TMCC1: variants seen among roughly 807,000 people sequenced by gnomAD.
TMCC1 encodes transmembrane and coiled-coil domain family 1.
Under a neutral mutation model 52.4 loss-of-function variants are expected in TMCC1, and 15 were observed. The ratio of observed to expected loss-of-function variants is 0.29; its 90% CI spans 0.19 to 0.44. The LOEUF (loss-of-function observed/expected upper bound fraction) is 0.44. Ranked by LOEUF, TMCC1 falls within the 20% of genes least tolerant of loss-of-function variation. The probability of loss-of-function intolerance (pLI) is 1.00; values close to 1 mark genes in which losing one functional copy is unlikely to be tolerated. For missense variants in TMCC1, 503 were observed against 806.0 expected (o/e 0.62, Z 4.55); for synonymous variants, 279 against 301.9 (o/e 0.92, Z 0.79).
intron 4 of TMCC1, chr3:129,688,441 A>G: frequency 3.0e-6 from 3 of 985,556 alleles, no homozygotes; most frequent in Non-Finnish European, 3.6e-6. Flanking sequence ...AAAGAGCCGC[A>G]GTGAAGCTTC....
intron 2 of TMCC1, among the ~76,000 whole-genome samples, chr3:129,852,495 G>C (rs2059961783): frequency 6.8e-6 from 1 of 147,998 alleles, no homozygotes; most frequent in Non-Finnish European, 1.5e-5. Context: ...AGAAAATTCT[G>C]CAGTATACAA....
At chr3:129,747,194 C>T (rs1476896088) in intron 4 of TMCC1, among the ~76,000 whole-genome samples, 1 of 152,044 alleles carries the variant, frequency 6.6e-6, no homozygotes, top group Non-Finnish European at 1.5e-5. Flanking sequence ...CCCTCAGTTA[C>T]ATATATATAA....
intron 4 of TMCC1, among the ~76,000 whole-genome samples, chr3:129,712,102 G>A (rs566168639): frequency 9.9e-5 from 15 of 151,262 alleles, no homozygotes; most frequent in Middle Eastern, 3.4e-3. Context: ...ACTTGAACCC[G>A]GGAGGTGAAG....
chr3:129,655,581 C>T (rs146150028), intron 5 of TMCC1, among the ~76,000 whole-genome samples: 2 of 152,276 alleles, frequency 1.3e-5, no homozygotes, highest in African/African-American at 4.8e-5. Flanking sequence ...AATGCCAGAG[C>T]CAGAGGGGTC....
intron 4 of TMCC1, among the ~76,000 whole-genome samples, chr3:129,823,429 C>T (rs1335640586): frequency 6.6e-6 from 1 of 152,118 alleles, no homozygotes; most frequent in Non-Finnish European, 1.5e-5. Context: ...CCTATTAACG[C>T]ATAATGTATA....
intron 4 of TMCC1, chr3:129,688,101 T>A: frequency 1.0e-6 from 1 of 972,854 alleles, no homozygotes; most frequent in Non-Finnish European, 1.2e-6. Context: ...TTTTAGTTAT[T>A]GCTAAGAAGC....
chr3:129,736,045 T>C (rs1332528379), intron 4 of TMCC1, among the ~76,000 whole-genome samples: 11 of 152,228 alleles, frequency 7.2e-5, no homozygotes, highest in Admixed American at 2.6e-4. Context: ...AAGGGGAGTT[T>C]TACTCATTCT....
rs2053371732 is a variant in TMCC1 at position 129,759,823 on chromosome 3, G to A, written c.576+67980C>T. Among the ~76,000 whole-genome samples the A allele has an allele frequency of 2.2e-5, 3 of 137,076 alleles. No homozygotes were observed. The South Asian group carries it at 7.3e-4, about 33-fold the overall frequency. 89.9% of individuals were successfully genotyped at this position (137,076 alleles called of 152,430 possible). The stretch of plus-strand genomic sequence containing the variant: ...TGCAAGCTCCGCCTCCCGGGTTCAC[G>A]CCATTCTCCTGCCTCAGCCTCCTGA... On this transcript the variant is annotated intron_variant, in intron 4 of 6. Coordinates refer to ENST00000393238, the MANE Select transcript of TMCC1 (RefSeq NM_001017395.5).
chr3:129,663,030 G>A (rs758359654), intron 5 of TMCC1, among the ~76,000 whole-genome samples: 5 of 152,248 alleles, frequency 3.3e-5, no homozygotes, highest in South Asian at 2.1e-4. Flanking sequence ...AGATTTTGTC[G>A]TAGGTAAATA....
At chr3:129,817,216 T>A (rs927156041) in intron 4 of TMCC1, among the ~76,000 whole-genome samples, 3 of 152,174 alleles carry the variant, frequency 2.0e-5, no homozygotes, top group Non-Finnish European at 4.4e-5. Context: ...GAATCAGGTT[T>A]CTGGGGCACA....
chr3:129,825,200 C>G (rs141398814), intron 4 of TMCC1, among the ~76,000 whole-genome samples: 3 of 152,212 alleles, frequency 2.0e-5, no homozygotes, highest in Admixed American at 2.0e-4. Context: ...GAACAGTACA[C>G]CTGCATTACT....
chr3:129,856,000 T>C (rs1316212999), intron 2 of TMCC1, among the ~76,000 whole-genome samples: 1 of 147,014 alleles, frequency 6.8e-6, no homozygotes, highest in Non-Finnish European at 1.5e-5. Context: ...GCAAGAAAGT[T>C]TAGTAATACT....
intron 4 of TMCC1, among the ~76,000 whole-genome samples, chr3:129,723,401 AT>A (rs62776661): frequency 0.44 from 55,118 of 126,500 alleles, 11,575 homozygotes; most frequent in Non-Finnish European, 0.49. Flanking sequence ...TCCATCAAGA[AT>A]TTTTTTTTTT....
At chr3:129,772,709 C>T (rs1458709552) in intron 4 of TMCC1, among the ~76,000 whole-genome samples, 15 of 105,470 alleles carry the variant, frequency 1.4e-4, no homozygotes, top group African/African-American at 4.2e-4. Context: ...GGTGACAGAG[C>T]AAGACTCCGC....
At chr3:129,736,490 G>T (rs1191707383) in intron 4 of TMCC1, among the ~76,000 whole-genome samples, 1 of 151,626 alleles carries the variant, frequency 6.6e-6, no homozygotes, top group Non-Finnish European at 1.5e-5. Context: ...AAAAATGAAG[G>T]CTGGACTAGT....
At chr3:129,661,469 G>T (rs753167011) in intron 5 of TMCC1, among the ~76,000 whole-genome samples, 1 of 152,078 alleles carries the variant, frequency 6.6e-6, no homozygotes, top group Non-Finnish European at 1.5e-5. Flanking sequence ...AGTCCCAGAA[G>T]GATGCAGTGA....
chr3:129,790,859 T>C (rs1435339541), intron 4 of TMCC1, among the ~76,000 whole-genome samples: 1 of 152,176 alleles, frequency 6.6e-6, no homozygotes, highest in Non-Finnish European at 1.5e-5. Context: ...AATGATCTTA[T>C]TCAAATCAAT....
In TMCC1 at chr3:129,688,817, A is replaced by G. The variant is rs1193170652; in HGVS notation, c.577-17553T>C. On this transcript the variant is annotated intron_variant, in intron 4 of 6. Coordinates refer to ENST00000393238, the MANE Select transcript of TMCC1 (RefSeq NM_001017395.5). Reference sequence around the variant, plus strand: ...GTGAGCATCTTTTATAAAAGACAAAAGCACCACACTGGTTGGATTTAAAGC... The same window carrying G: ...GTGAGCATCTTTTATAAAAGACAAAGGCACCACACTGGTTGGATTTAAAGC... The G allele has an allele frequency of 3.4e-6, 3 of 887,700 alleles. No individual in the cohort carries two copies. In the East Asian group the frequency reaches 3.6e-4, roughly 106 times the overall value. 55.0% of individuals were successfully genotyped at this position (887,700 alleles called of 1,614,324 possible). A position where few individuals can be genotyped will look rare whatever the true frequency, so the allele number is the denominator to read the frequency against.
intron 4 of TMCC1, among the ~76,000 whole-genome samples, chr3:129,775,002 G>A (rs1184402217): frequency 6.6e-6 from 1 of 152,106 alleles, no homozygotes; most frequent in African/African-American, 2.4e-5. Flanking sequence ...AATATAGAAG[G>A]CAAGGAGACC....
Sources: allele counts gnomAD v4.1 joint callset (sites outside exome capture counted in the v4.1 genomes callset), GRCh38; gene constraint gnomAD v4.1.1; transcripts MANE v1.5; gene names NCBI Gene and HGNC (gene_info 2026-07-23, HGNC 2026-07-21).